The following NXN variants were observed in gnomAD, a reference collection of about 807,000 sequenced individuals.
The protein encoded by NXN is nucleoredoxin 1.
A neutral mutation model predicts 48.6 loss-of-function variants in NXN; 16 were observed. The ratio of observed to expected loss-of-function variants is 0.33; its 90% CI spans 0.22 to 0.50. The LOEUF is 0.50. Ranked by LOEUF, NXN falls within the 20% of genes least tolerant of loss-of-function variation. The pLI is 0.98. For synonymous variants in NXN, 281 were observed against 269.6 expected (o/e 1.04, Z -0.41); for missense variants, 492 against 605.5 (o/e 0.81, Z 1.97).
chr17:979,312 C>T lies in NXN; in HGVS notation c.360+7G>A, dbSNP rs761332765. The stretch of plus-strand genomic sequence containing the variant: ...GGGCAGGGGCCGGCGAGGCCCGCGC[C>T]GCTCACCTTCCTGTGCTTCTCCTTG... On this transcript the variant is annotated splice_region_variant and intron_variant, in intron 1 of 7. Transcript: ENST00000336868. 20 of 1,509,756 alleles carry T rather than the reference C, an allele frequency of 1.3e-5. No individual in the cohort carries two copies. In the African/African-American group the frequency reaches 2.2e-4, roughly 16 times the overall value. The allele number at this position is 1,509,756 out of a possible 1,614,324, so 93.5% of individuals were successfully genotyped here. A position where few individuals can be genotyped will look rare whatever the true frequency, so the allele number is the denominator to read the frequency against.
chr17:876,032 T>A (rs2068210352), intron 1 of NXN, among the ~76,000 whole-genome samples: 1 of 151,740 alleles, frequency 6.6e-6, no homozygotes, highest in Non-Finnish European at 1.5e-5. Context: ...AAATATAAAA[T>A]TAGCCGGGCG....
At chr17:872,281 C>G (rs1597681551) in intron 1 of NXN, among the ~76,000 whole-genome samples, 1 of 148,258 alleles carries the variant, frequency 6.7e-6, no homozygotes, top group Non-Finnish European at 1.5e-5. Context: ...AGGAGAGAGA[C>G]AGAGGAACAC....
intron 1 of NXN, among the ~76,000 whole-genome samples, chr17:966,279 T>A (rs2069301943): frequency 1.3e-5 from 2 of 152,170 alleles, no homozygotes; most frequent in Non-Finnish European, 2.9e-5. Context: ...GTAAACTTTC[T>A]TAAAACATTA....
At chr17:850,390 T>C (rs2067911164) in intron 1 of NXN, among the ~76,000 whole-genome samples, 1 of 152,168 alleles carries the variant, frequency 6.6e-6, no homozygotes, top group South Asian at 2.1e-4. Flanking sequence ...CAGCAGCCCA[T>C]TTCTTAAGTG....
intron 5 of NXN, among the ~76,000 whole-genome samples, chr17:807,906 C>T (rs1302317675): frequency 2.0e-5 from 3 of 152,234 alleles, no homozygotes; most frequent in Non-Finnish European, 4.4e-5. Context: ...GCACAGATGG[C>T]ACTGGCTAAT....
At chr17:816,498 G>C (rs751146465) in intron 5 of NXN, among the ~76,000 whole-genome samples, 1 of 151,922 alleles carries the variant, frequency 6.6e-6, no homozygotes, top group Non-Finnish European at 1.5e-5. Context: ...TGCTTGGTCC[G>C]TTCCTACTTG....
At chr17:841,380 G>GCACA (rs1567827279) in intron 1 of NXN, among the ~76,000 whole-genome samples, 14 of 151,764 alleles carry the variant, frequency 9.2e-5, no homozygotes, top group East Asian at 7.7e-4. Context: ...CCCACACACG[G>GCACA]TGCATCTCAC....
chr17:948,444 G>A (rs2069070153), intron 1 of NXN, among the ~76,000 whole-genome samples: 1 of 152,114 alleles, frequency 6.6e-6, no homozygotes, highest in Non-Finnish European at 1.5e-5. Flanking sequence ...CAGCAACTTT[G>A]GCATCACGGG....
chr17:827,874 C>T (rs953364870), intron 1 of NXN, among the ~76,000 whole-genome samples: 42 of 152,114 alleles, frequency 2.8e-4, no homozygotes, highest in African/African-American at 9.4e-4. Context: ...AGGATTGTCC[C>T]GAGTTCCATC....
chr17:922,728 T>G (rs2068760638), intron 1 of NXN, among the ~76,000 whole-genome samples: 1 of 151,930 alleles, frequency 6.6e-6, no homozygotes, highest in Non-Finnish European at 1.5e-5. Context: ...CTCGGCTCAC[T>G]GCAACCTCTG....
rs566451168 is a variant in NXN, at chr17:812,228, G to C, written c.821-6981C>G. 3.3e-5 allele frequency among the ~76,000 whole-genome samples: 5 copies of C among 152,242 alleles called. No individual in the cohort carries two copies. The South Asian group carries it at 1.0e-3, about 32-fold the overall frequency. ...AGGCGTGAGCCACTGCGCGTGGCCT[G>C]GGTTACCCATTTTCACCCGAGCCTG... On this transcript the variant is annotated intron_variant, in intron 5 of 7. Transcript: ENST00000336868.
At chr17:887,238 G>A (rs1212439571) in intron 1 of NXN, among the ~76,000 whole-genome samples, 2 of 152,092 alleles carry the variant, frequency 1.3e-5, no homozygotes, top group African/African-American at 4.8e-5. Context: ...TCTGGTGGGA[G>A]CTCCATAAAT....
At chr17:943,559 C>T (rs1405144504) in intron 1 of NXN, among the ~76,000 whole-genome samples, 2 of 152,220 alleles carry the variant, frequency 1.3e-5, no homozygotes, top group Non-Finnish European at 2.9e-5. Flanking sequence ...CAGTGGCTCA[C>T]GCCTGTAATC....
chr17:871,320 A>G (rs2068151089), intron 1 of NXN, among the ~76,000 whole-genome samples: 1 of 151,884 alleles, frequency 6.6e-6, no homozygotes, highest in Non-Finnish European at 1.5e-5. Context: ...GAGGCCAACA[A>G]GTAATTGATT....
intron 3 of NXN, among the ~76,000 whole-genome samples, chr17:822,793 C>A (rs78376952): frequency 6.6e-6 from 1 of 152,132 alleles, no homozygotes; most frequent in African/African-American, 2.4e-5. Context: ...ATGAACTCAT[C>A]CACATGGATT....
rs543371561 is a variant in NXN at position 817,444 on chromosome 17, C to T, written c.820+1995G>A. On this transcript the variant is annotated intron_variant, in intron 5 of 7. Transcript: ENST00000336868. ...CAGCACTTTGGGAGGCCGAGGTGGG[C>T]GGATCACAAGGTCAAGAGATCGAGA... 9.8e-4 allele frequency among the ~76,000 whole-genome samples: 148 copies of T among 151,630 alleles called. 1 individual carries two copies. The highest frequency in any genetic ancestry group is 2.9e-3 in the African/African-American group (119 of 41,206).
At chr17:890,502 T>C (rs574701246) in intron 1 of NXN, among the ~76,000 whole-genome samples, 1 of 152,102 alleles carries the variant, frequency 6.6e-6, no homozygotes, top group Non-Finnish European at 1.5e-5. Flanking sequence ...GCCTCCCCAG[T>C]AGCTAGGACT....
At position 830,651 on chromosome 17, in the gene NXN, G is replaced by A. The variant is rs1913405286; in HGVS notation, c.361-4573C>T. Among the ~76,000 whole-genome samples, 1 of 152,162 alleles carries A rather than the reference G, an allele frequency of 6.6e-6. No homozygotes were observed. Among genetic ancestry groups the A allele is most frequent in the Non-Finnish European group, 1.5e-5 (1 of 68,016 alleles). On this transcript the variant is annotated intron_variant, in intron 1 of 7. Transcript: ENST00000336868. The surrounding 1 kb of genome is among the most constrained non-coding windows in gnomAD (Gnocchi z 4.2). Reference sequence around the variant, plus strand: ...TGAACCACATCGTCAAGGCCCCGTGGACGACAGCAAAAATAACAGGTCACA... The same window carrying A: ...TGAACCACATCGTCAAGGCCCCGTGAACGACAGCAAAAATAACAGGTCACA...
intron 1 of NXN, among the ~76,000 whole-genome samples, chr17:900,494 C>T (rs555274316): frequency 1.3e-5 from 2 of 152,240 alleles, no homozygotes; most frequent in South Asian, 4.1e-4. Flanking sequence ...AAGGTACAAA[C>T]ATCAGGAGGA....
Sources: allele counts gnomAD v4.1 joint callset (sites outside exome capture counted in the v4.1 genomes callset), GRCh38; gene constraint gnomAD v4.1.1; non-coding constraint Gnocchi (gnomAD v3.1); transcripts MANE v1.5; gene names NCBI Gene and HGNC (gene_info 2026-07-23, HGNC 2026-07-21).